Variants in EXOC3L2 observed in about 807,000 individuals in gnomAD.
EXOC3L2 encodes exocyst complex component 3-like protein 2.
A neutral mutation model predicts 44.4 loss-of-function variants in EXOC3L2; 17 were observed. That is an observed-to-expected ratio of 0.38 (90% CI 0.26 to 0.57). The LOEUF (loss-of-function observed/expected upper bound fraction) is 0.57. EXOC3L2 is among the 20% of genes least tolerant of loss of function. The probability of loss-of-function intolerance (pLI) is 0.65; values close to 1 mark genes in which losing one functional copy is unlikely to be tolerated. For missense variants in EXOC3L2, 541 were observed against 588.4 expected (o/e 0.92, Z 0.83); for synonymous variants, 256 against 253.7 (o/e 1.01, Z -0.09).
Position 45,217,637 on chromosome 19 carries a change from CG to C in EXOC3L2, c.1888del (p.Arg630GlyfsTer166). 6.9e-7 allele frequency: 1 copy of C among 1,455,656 alleles called. No homozygotes were observed. Among genetic ancestry groups the C allele is most frequent in the South Asian group, 1.4e-5 (1 of 71,814 alleles). 90.2% of individuals were successfully genotyped at this position (1,455,656 alleles called of 1,614,324 possible). On this transcript the variant is annotated frameshift_variant, in exon 10 of 12. Transcript: ENST00000413988. LOFTEE classifies it high-confidence loss of function. The stretch of plus-strand genomic sequence containing the variant: ...GCGCAGGCGCCCACGGAGCAGGGGC[CG>C]CACGTACTCGACCAGCGCCCGCCGG... ...LHRRALVEYV[R>X]PLLRGRLRCS...
chr19:45,216,240 C>G, intron 10 of EXOC3L2, 46 bp from the exon 11 acceptor site: 1 of 1,598,394 alleles, frequency 6.3e-7, no homozygotes, highest in Non-Finnish European at 8.5e-7. Flanking sequence ...CAAGATTGAC[C>G]CTGCCAATTC....
At chr19:45,218,063 T>G (rs1969856005) in intron 9 of EXOC3L2, 134 bp downstream of exon 9, 2 of 1,274,804 alleles carry the variant, frequency 1.6e-6, no homozygotes, top group Non-Finnish European at 1.0e-6. Context: ...GCTCCCCACC[T>G]TAGAGGGGTT....
At chr19:45,244,958 A>T (rs1970157967) in intron 1 of EXOC3L2, among the ~76,000 whole-genome samples, 1 of 150,860 alleles carries the variant, frequency 6.6e-6, no homozygotes, top group Admixed American at 6.6e-5. Flanking sequence ...CATCTCCGAG[A>T]CCCCATCTCT....
intron 3 of EXOC3L2, among the ~76,000 whole-genome samples, chr19:45,233,971 G>A (rs1970056112): frequency 6.6e-6 from 1 of 152,172 alleles, no homozygotes; most frequent in South Asian, 2.1e-4. Context: ...TTCTAGGACT[G>A]CAAGCGTCCA....
At chr19:45,240,771 G>A (rs1970124981) in intron 1 of EXOC3L2, among the ~76,000 whole-genome samples, 1 of 152,072 alleles carries the variant, frequency 6.6e-6, no homozygotes, top group Admixed American at 6.6e-5. Context: ...GGGCGTGGTG[G>A]CATGCACCTG....
At chr19:45,233,372 A>T (rs1016062593) in intron 3 of EXOC3L2, among the ~76,000 whole-genome samples, 1 of 152,216 alleles carries the variant, frequency 6.6e-6, no homozygotes, top group African/African-American at 2.4e-5. Flanking sequence ...CTAAGTTCTA[A>T]GATTGGAAAC....
intron 3 of EXOC3L2, among the ~76,000 whole-genome samples, chr19:45,232,299 C>T (rs1004514863): frequency 1.3e-5 from 2 of 152,092 alleles, no homozygotes; most frequent in African/African-American, 2.4e-5. Context: ...CAATATCCAC[C>T]CCCAAACACC....
chr19:45,236,186 T>G (rs1970082697), intron 2 of EXOC3L2, among the ~76,000 whole-genome samples: 1 of 151,878 alleles, frequency 6.6e-6, no homozygotes, highest in Non-Finnish European at 1.5e-5. Flanking sequence ...AAGATTGATG[T>G]GAAGGCCGAG....
Position 45,227,657 on chromosome 19 carries a change from C to G in EXOC3L2, c.1583+5G>C. Reference sequence around the variant, plus strand: ...CTCCCTCCATCACACCATGGATGCCCTCACCTCAGTGGGGGGCCGCAGTTG... The same window carrying G: ...CTCCCTCCATCACACCATGGATGCCGTCACCTCAGTGGGGGGCCGCAGTTG... On this transcript the variant is annotated splice_donor_5th_base_variant and intron_variant, in intron 7 of 11. Coordinates refer to ENST00000413988, the MANE Select transcript of EXOC3L2 (RefSeq NM_001382422.1). 6.2e-7 allele frequency: 1 copy of G among 1,608,250 alleles called. No individual in the cohort carries two copies. The highest frequency in any genetic ancestry group is 8.5e-7 in the Non-Finnish European group (1 of 1,178,218).
At chr19:45,224,641 C>T (rs1375720601) in intron 8 of EXOC3L2, 137 bp downstream of exon 8, 82 of 1,287,082 alleles carry the variant, frequency 6.4e-5, no homozygotes, top group Non-Finnish European at 2.1e-6. Flanking sequence ...CCAGGCATGG[C>T]CTTAACTGCC....
intron 7 of EXOC3L2, among the ~76,000 whole-genome samples, chr19:45,225,477 C>T (rs1969948878): frequency 6.6e-6 from 1 of 151,884 alleles, no homozygotes; most frequent in Admixed American, 6.6e-5. Flanking sequence ...ACCGTGTTAG[C>T]CAGGATGGTC....
At position 45,213,002 on chromosome 19, in the gene EXOC3L2, C is replaced by T. The variant is rs985913542; in HGVS notation, c.*67G>A. 4.1e-5 allele frequency: 57 copies of T among 1,405,718 alleles called. No homozygotes were observed. The Middle Eastern group carries it at 1.0e-3, about 26-fold the overall frequency. 87.1% of individuals were successfully genotyped at this position (1,405,718 alleles called of 1,614,324 possible). Reference sequence around the variant, plus strand: ...GTCCCAGGCAGGGAGTCAGGAGGGGCGCCGTACGGGAGGTTGGCTTGTCAG... The same window carrying T: ...GTCCCAGGCAGGGAGTCAGGAGGGGTGCCGTACGGGAGGTTGGCTTGTCAG... On this transcript the variant is annotated 3_prime_UTR_variant, in exon 12 of 12. Coordinates refer to ENST00000413988, the MANE Select transcript of EXOC3L2 (RefSeq NM_001382422.1).
At position 45,213,187 on chromosome 19, in the gene EXOC3L2, C is replaced by G. The variant is rs751663787; in HGVS notation, c.2291G>C (p.Cys764Ser). The G allele has an allele frequency of 6.2e-7, 1 of 1,605,956 alleles. No homozygotes were observed. Among genetic ancestry groups the G allele is most frequent in the Admixed American group, 1.7e-5 (1 of 58,586 alleles). ...GCCCAGGAAGAGAGGGAGGCTGAGA[C>G]AGAAAGATGGGCGGGGCACAGGGAT... Reference protein sequence around the residue: ...ADIPVPRPSFCLSLPLFLGRL... With the variant: ...ADIPVPRPSFSLSLPLFLGRL... Residue 764 changes from cysteine (C) to serine (S), a missense_variant, in exon 12 of 12, where the codon TGT (cysteine) becomes TCT (serine). By Grantham distance (112) the Cys-to-Ser change is moderately radical (BLOSUM62 -1). Coordinates refer to ENST00000413988, the MANE Select transcript of EXOC3L2 (RefSeq NM_001382422.1).
At chr19:45,239,208 G>T in intron 1 of EXOC3L2, 147 bp from the exon 2 acceptor site, 1 of 347,746 alleles carries the variant, frequency 2.9e-6, no homozygotes, top group Non-Finnish European at 5.1e-6. Flanking sequence ...AAGCTTATAA[G>T]ATGGGGACTT....
At chr19:45,235,874 C>A (rs1193092745) in intron 2 of EXOC3L2, among the ~76,000 whole-genome samples, 1 of 152,136 alleles carries the variant, frequency 6.6e-6, no homozygotes, top group Non-Finnish European at 1.5e-5. Context: ...GTCCCCAGCC[C>A]TGGAGCAGTT....
chr19:45,218,158 T>TAAC, intron 9 of EXOC3L2, 39 bp downstream of exon 9: 1 of 1,034,906 alleles, frequency 9.7e-7, no homozygotes. Context: ...TCCCCTCTTT[T>TAAC]CCCCCACCCC....
intron 1 of EXOC3L2, 100 bp from the exon 2 acceptor site, chr19:45,239,161 C>CA (rs1473809299): frequency 7.6e-6 from 3 of 395,588 alleles, no homozygotes; most frequent in Non-Finnish European, 1.3e-5. Context: ...GCGTACCAGA[C>CA]ACTTGCCTGA....
chr19:45,227,064 CTCTT>C (rs71845111), intron 7 of EXOC3L2, among the ~76,000 whole-genome samples: 12,536 of 149,022 alleles, frequency 0.084, 705 homozygotes, highest in African/African-American at 0.16. Context: ...CCATCTCTCT[CTCTT>C]TTTTTTTAGT....
intron 4 of EXOC3L2, among the ~76,000 whole-genome samples, chr19:45,228,888 G>A (rs912227541): frequency 7.9e-5 from 12 of 151,404 alleles, no homozygotes; most frequent in East Asian, 7.8e-4. Flanking sequence ...TGGCTAACAC[G>A]GTGAAACCCC....
Sources: gnomAD v4.1 joint callset for allele counts (sites outside exome capture counted in the v4.1 genomes callset) on GRCh38, gnomAD v4.1.1 for gene constraint, MANE v1.5 for transcripts, NCBI Gene and HGNC (gene_info 2026-07-23, HGNC 2026-07-21) for gene names.